RXFP1: variants seen among roughly 807,000 people sequenced by gnomAD.
The protein encoded by RXFP1 is relaxin family peptide receptor 1.
RXFP1 carries 73 observed loss-of-function variants against 89.8 expected under a neutral mutation model. That is an observed-to-expected ratio of 0.81 (90% CI 0.67 to 0.99). RXFP1 has a LOEUF of 0.99. RXFP1 is among the 50% of genes least tolerant of loss of function. RXFP1 has a pLI of 0.00. For synonymous variants in RXFP1, 277 were observed against 305.5 expected (o/e 0.91, Z 0.97); for missense variants, 793 against 895.5 (o/e 0.89, Z 1.46).
intron 1 of RXFP1, among the ~76,000 whole-genome samples, chr4:158,568,388 A>G (rs535390971): frequency 6.6e-6 from 1 of 152,246 alleles, no homozygotes; most frequent in Admixed American, 6.5e-5. Context: ...AGAATATTCA[A>G]AAGAGCTGCA....
intron 10 of RXFP1, among the ~76,000 whole-genome samples, chr4:158,627,325 C>T (rs1248079399): frequency 6.6e-6 from 1 of 152,098 alleles, no homozygotes; most frequent in African/African-American, 2.4e-5. Flanking sequence ...CTATTCACAG[C>T]TTATTTTACC....
intron 1 of RXFP1, among the ~76,000 whole-genome samples, chr4:158,551,670 G>C (rs1474000592): frequency 6.6e-6 from 1 of 152,200 alleles, no homozygotes; most frequent in African/African-American, 2.4e-5. Flanking sequence ...GCTGGGCACT[G>C]TGGCTCATGC....
Position 158,639,323 on chromosome 4 carries a change from C to T in RXFP1, c.1107C>T (p.Leu369=), listed in dbSNP as rs775623371. The T allele has an allele frequency of 6.6e-7, 1 of 1,519,706 alleles. No individual in the cohort carries two copies. Among genetic ancestry groups the T allele is most frequent in the Non-Finnish European group, 9.1e-7 (1 of 1,094,178 alleles). The allele number at this position is 1,519,706 out of a possible 1,614,324, so 94.1% of individuals were successfully genotyped here. The change falls in exon 14 of 18, where the codon CTC becomes CTT. Residue 369 remains leucine, a synonymous_variant. Transcript: ENST00000307765. The part of the protein sequence containing the change: ...QQRMFRPLMN[L]SHIYFKKFQY... ...GGATGTTTAGACCTCTTATGAATCT[C>T]TCTCACATGTAAGTAGATATTTTAT...
intron 11 of RXFP1, 26 bp from the exon 12 acceptor site, chr4:158,633,379 T>C (rs1460141459): frequency 7.2e-7 from 1 of 1,384,856 alleles, no homozygotes; most frequent in Non-Finnish European, 1.0e-6. Context: ...GAAAATAATA[T>C]CACATATTTG....
chr4:158,585,168 A>C (rs1561067405), intron 2 of RXFP1, among the ~76,000 whole-genome samples: 1 of 152,228 alleles, frequency 6.6e-6, no homozygotes, highest in African/African-American at 2.4e-5. Flanking sequence ...AAAATGTACT[A>C]ATAGGTGTCA....
chr4:158,610,527 A>T, intron 6 of RXFP1: 1 of 436,780 alleles, frequency 2.3e-6, no homozygotes. Context: ...ATGCCAACAT[A>T]TATAAAACAT....
intron 2 of RXFP1, among the ~76,000 whole-genome samples, chr4:158,578,946 A>G (rs1488082492): frequency 1.3e-5 from 2 of 149,892 alleles, no homozygotes; most frequent in Non-Finnish European, 3.0e-5. Flanking sequence ...ATGTGACCTT[A>G]TTTGGAAATA....
rs762596903 is a variant in RXFP1, at chr4:158,651,738, T to C, written c.1976-19T>C. On this transcript the variant is annotated intron_variant, in intron 17 of 17. Coordinates refer to ENST00000307765, the MANE Select transcript of RXFP1 (RefSeq NM_021634.4). ...TAAACATCTATAAACACTAAAACTA[T>C]TTCATTTTTCTTTTTTAGGTACCAT... is the stretch of plus-strand genomic sequence containing the variant. 2 of 1,572,238 alleles carry C rather than the reference T, an allele frequency of 1.3e-6. No individual in the cohort carries two copies. Among genetic ancestry groups the C allele is most frequent in the East Asian group, 2.2e-5 (1 of 44,544 alleles).
intron 1 of RXFP1, among the ~76,000 whole-genome samples, chr4:158,551,147 A>T (rs928690388): frequency 6.6e-6 from 1 of 152,152 alleles, no homozygotes; most frequent in Non-Finnish European, 1.5e-5. Context: ...AAGGAAAGAA[A>T]CTCTGGCATT....
At position 158,645,285 on chromosome 4, in the gene RXFP1, A is replaced by C. The variant is rs1462658481; in HGVS notation, c.1345+147A>C. 10 of 625,624 alleles carry C rather than the reference A, an allele frequency of 1.6e-5. No individual in the cohort carries two copies. In the East Asian group the frequency reaches 2.8e-4, roughly 18 times the overall value. 38.8% of individuals were successfully genotyped at this position (625,624 alleles called of 1,614,324 possible). A position where few individuals can be genotyped will look rare whatever the true frequency, so the allele number is the denominator to read the frequency against. ...TATGCTGTTTTCACATTTTCTACAA[A>C]GAAAATAGAATTACTTTAGCAATAA... On this transcript the variant is annotated intron_variant, in intron 15 of 17. Coordinates refer to ENST00000307765, the MANE Select transcript of RXFP1 (RefSeq NM_021634.4).
intron 1 of RXFP1, chr4:158,544,453 T>A (rs1017950696): frequency 4.5e-6 from 3 of 664,174 alleles, no homozygotes; most frequent in Non-Finnish European, 5.6e-6. Context: ...TTTTTAATTT[T>A]ATTTTATTAT....
chr4:158,620,985 G>A (rs1057451371), intron 9 of RXFP1, among the ~76,000 whole-genome samples: 1 of 151,744 alleles, frequency 6.6e-6, no homozygotes, highest in African/African-American at 2.4e-5. Context: ...AATTAGCTGA[G>A]CGTTTAGCTG....
intron 13 of RXFP1, 39 bp downstream of exon 13, chr4:158,638,118 T>G: frequency 8.1e-7 from 1 of 1,228,340 alleles, no homozygotes. Flanking sequence ...ATGATAAAAT[T>G]GTTTTTTAAA....
intron 2 of RXFP1, 97 bp downstream of exon 2, chr4:158,572,932 T>C: frequency 1.3e-6 from 2 of 1,506,692 alleles, no homozygotes; most frequent in Non-Finnish European, 9.0e-7. Flanking sequence ...CAAAACTAAA[T>C]TGAAATACAA....
intron 1 of RXFP1, among the ~76,000 whole-genome samples, chr4:158,535,746 T>C (rs1745130693): frequency 6.6e-6 from 1 of 152,284 alleles, no homozygotes; most frequent in Non-Finnish European, 1.5e-5. Context: ...AGAATGTTTG[T>C]TGAATACCCT....
intron 2 of RXFP1, among the ~76,000 whole-genome samples, chr4:158,579,404 A>C (rs1756893293): frequency 6.6e-6 from 1 of 152,290 alleles, no homozygotes; most frequent in East Asian, 1.9e-4. Context: ...GAGTACAGGA[A>C]CTACAGGCGC....
At chr4:158,568,456 G>A (rs965061135) in intron 1 of RXFP1, among the ~76,000 whole-genome samples, 3 of 152,210 alleles carry the variant, frequency 2.0e-5, no homozygotes, top group Non-Finnish European at 2.9e-5. Context: ...GTAGCTGGAG[G>A]CTAATTCATT....
chr4:158,589,935 C>T (rs1759086358), intron 2 of RXFP1, among the ~76,000 whole-genome samples: 1 of 151,942 alleles, frequency 6.6e-6, no homozygotes, highest in Non-Finnish European at 1.5e-5. Flanking sequence ...ATCTATAGTC[C>T]CAGCTACTCA....
chr4:158,544,403 G>C (rs898022046), intron 1 of RXFP1: 54 of 974,676 alleles, frequency 5.5e-5, no homozygotes, highest in Non-Finnish European at 6.2e-5. Context: ...TGGTCATAGA[G>C]GAAGTAAGTT....
Sources: allele counts gnomAD v4.1 joint callset (sites outside exome capture counted in the v4.1 genomes callset), GRCh38; gene constraint gnomAD v4.1.1; transcripts MANE v1.5; gene names NCBI Gene and HGNC (gene_info 2026-07-23, HGNC 2026-07-21).